ROBO2: variants seen among roughly 807,000 people sequenced by gnomAD.
ROBO2 encodes the protein roundabout homolog 2.
Under a neutral mutation model 160.8 loss-of-function variants are expected in ROBO2, and 53 were observed. The observed-to-expected ratio is 0.33, with a 90% CI of 0.26 to 0.41. The LOEUF is 0.41. ROBO2 is among the 10% of genes least tolerant of loss of function. ROBO2 has a pLI of 1.00. For missense variants in ROBO2, 1,577 were observed against 1,722.4 expected (o/e 0.92, Z 1.49); for synonymous variants, 664 against 611.7 (o/e 1.09, Z -1.26).
chr3:77,208,486 T>C (rs1294589866), intron 2 of ROBO2, among the ~76,000 whole-genome samples: 3 of 152,192 alleles, frequency 2.0e-5, no homozygotes, highest in Admixed American at 2.0e-4. Context: ...GGATAGCTGA[T>C]AACAAACAGT....
intron 2 of ROBO2, among the ~76,000 whole-genome samples, chr3:76,315,676 T>C (rs992899564): frequency 6.6e-6 from 1 of 152,232 alleles, no homozygotes. Context: ...ATATTTCTTC[T>C]GATGTTTCCC....
At chr3:77,427,492 A>C (rs1392245470) in intron 2 of ROBO2, among the ~76,000 whole-genome samples, 7 of 152,194 alleles carry the variant, frequency 4.6e-5, no homozygotes, top group Non-Finnish European at 1.0e-4. Context: ...TCCTGTTCGC[A>C]CAAAGCATGT....
intron 2 of ROBO2, among the ~76,000 whole-genome samples, chr3:76,054,904 G>A (rs2107835686): frequency 6.6e-6 from 1 of 152,188 alleles, no homozygotes; most frequent in South Asian, 2.1e-4. Flanking sequence ...GGGGAGGTGA[G>A]GAATCTCTGG....
chr3:76,094,273 G>A (rs553776452), intron 2 of ROBO2, among the ~76,000 whole-genome samples: 1 of 152,316 alleles, frequency 6.6e-6, no homozygotes, highest in South Asian at 2.1e-4. Flanking sequence ...CCAGTGACCA[G>A]ATGGATGCGG....
chr3:76,428,636 T>C (rs2076315072), intron 2 of ROBO2, among the ~76,000 whole-genome samples: 1 of 152,218 alleles, frequency 6.6e-6, no homozygotes, highest in Admixed American at 6.5e-5. Flanking sequence ...GTGAGTTTTT[T>C]TTCTGTAAAA....
chr3:76,520,319 C>G (rs1019130801), intron 2 of ROBO2, among the ~76,000 whole-genome samples: 2 of 152,120 alleles, frequency 1.3e-5, no homozygotes, highest in African/African-American at 4.8e-5. Context: ...GGCGTGGTGG[C>G]AGGCACATGT....
chr3:77,621,056 C>A (rs981026662), intron 22 of ROBO2, among the ~76,000 whole-genome samples: 1 of 152,178 alleles, frequency 6.6e-6, no homozygotes, highest in Non-Finnish European at 1.5e-5. Flanking sequence ...CTGGACCCTA[C>A]TGCCCAGCTT....
chr3:76,752,940 C>G (rs938418580), intron 2 of ROBO2, among the ~76,000 whole-genome samples: 10 of 151,800 alleles, frequency 6.6e-5, no homozygotes, highest in African/African-American at 2.4e-4. Context: ...TTAGAAAATT[C>G]AATATTGCCC....
chr3:75,973,405 C>T (rs594264), intron 2 of ROBO2, among the ~76,000 whole-genome samples: 115,336 of 151,416 alleles, frequency 0.76, 45,045 homozygotes, highest in South Asian at 0.9. Flanking sequence ...GCCACTGACA[C>T]AATAATATGG....
rs1236856732 is a variant in ROBO2 at position 75,998,750 on chromosome 3, G to A, written c.109+61148G>A. On this transcript the variant is annotated intron_variant, in intron 2 of 26. Coordinates refer to the ROBO2 transcript ENST00000487694. Reference sequence around the variant, plus strand: ...ATTCTAGTGGCTATTATAGGATGATGCAAGTTTCAAGATGTGTGAAAGAAA... The same window carrying A: ...ATTCTAGTGGCTATTATAGGATGATACAAGTTTCAAGATGTGTGAAAGAAA... 2.8e-4 allele frequency among the ~76,000 whole-genome samples: 43 copies of A among 152,182 alleles called. 3 individuals are homozygous for A. Among genetic ancestry groups the A allele is most frequent in the Admixed American group, 2.8e-3 (43 of 15,274 alleles).
intron 2 of ROBO2, among the ~76,000 whole-genome samples, chr3:76,104,536 A>G (rs1378200412): frequency 6.6e-6 from 1 of 152,196 alleles, no homozygotes; most frequent in African/African-American, 2.4e-5. Context: ...TTAATTGTCA[A>G]TAATGTCATT....
chr3:77,460,438 A>G (rs1414267419), intron 2 of ROBO2, among the ~76,000 whole-genome samples: 7 of 152,122 alleles, frequency 4.6e-5, no homozygotes. Flanking sequence ...GGCTGGAGGC[A>G]TGCATTTTGG....
intron 2 of ROBO2, among the ~76,000 whole-genome samples, chr3:76,714,744 C>A (rs997242788): frequency 1.3e-5 from 2 of 152,126 alleles, no homozygotes; most frequent in Non-Finnish European, 2.9e-5. Context: ...GTACACAAAT[C>A]TATTGCCAAT....
intron 2 of ROBO2, among the ~76,000 whole-genome samples, chr3:76,978,704 A>G (rs918313046): frequency 1.3e-5 from 2 of 152,098 alleles, no homozygotes; most frequent in African/African-American, 2.4e-5. Context: ...AGTTTCGAGA[A>G]GAGAAATTGC....
chr3:76,671,868 C>T (rs2092274337), intron 2 of ROBO2, among the ~76,000 whole-genome samples: 1 of 151,768 alleles, frequency 6.6e-6, no homozygotes, highest in Admixed American at 6.6e-5. Context: ...ATTTTTTAAT[C>T]TAGAAGCCTT....
At chr3:76,938,971 C>CAA (rs71629626) in intron 2 of ROBO2, among the ~76,000 whole-genome samples, 15,475 of 111,218 alleles carry the variant, frequency 0.14, 1,476 homozygotes, top group Non-Finnish European at 0.2. Flanking sequence ...AACTCAGTCT[C>CAA]AAAAAAAAAA....
intron 17 of ROBO2, 30 bp from the exon 19 acceptor site, chr3:77,595,112 G>C (rs763733519): frequency 1.9e-6 from 3 of 1,584,850 alleles, no homozygotes; most frequent in Non-Finnish European, 1.7e-6. Context: ...ACTTGTGTGT[G>C]CATGTCTTCC....
At chr3:76,601,866 G>A (rs1416172071) in intron 2 of ROBO2, among the ~76,000 whole-genome samples, 1 of 152,120 alleles carries the variant, frequency 6.6e-6, no homozygotes, top group Non-Finnish European at 1.5e-5. Context: ...CATTGTCTGG[G>A]TTCAAGTTTT....
At chr3:77,458,074 G>A (rs997981409) in intron 2 of ROBO2, among the ~76,000 whole-genome samples, 22 of 151,888 alleles carry the variant, frequency 1.4e-4, no homozygotes, top group Admixed American at 7.2e-4. Context: ...AATCCTCATC[G>A]CCGCCTTAGA....
Sources: gnomAD v4.1 joint callset for allele counts (sites outside exome capture counted in the v4.1 genomes callset) on GRCh38, gnomAD v4.1.1 for gene constraint, MANE v1.5 for transcripts, NCBI Gene and HGNC (gene_info 2026-07-23, HGNC 2026-07-21) for gene names.